Variants in SIPA1L1 observed in about 807,000 individuals in gnomAD.
The protein encoded by SIPA1L1 is signal induced proliferation associated 1 like 1.
In SIPA1L1, 26 loss-of-function variants were observed where a neutral mutation model predicts 162.7. The ratio of observed to expected loss-of-function variants is 0.16; its 90% CI spans 0.12 to 0.22. The LOEUF (loss-of-function observed/expected upper bound fraction) is 0.22. Ranked by LOEUF, SIPA1L1 falls within the 10% of genes least tolerant of loss-of-function variation. SIPA1L1 has a pLI of 1.00. For missense variants in SIPA1L1, 1,874 were observed against 2,241.0 expected, an observed-to-expected ratio of 0.84 and a Z score of 3.31; for synonymous variants, 829 against 837.4, an observed-to-expected ratio of 0.99 and a Z score of 0.17.
At chr14:71,357,122 G>A (rs531629241) in intron 2 of SIPA1L1, among the ~76,000 whole-genome samples, 24 of 151,934 alleles carry the variant, frequency 1.6e-4, no homozygotes, top group Non-Finnish European at 2.8e-4. Context: ...TGGCGTGATC[G>A]TAGCTCACAG....
intron 10 of SIPA1L1, among the ~76,000 whole-genome samples, chr14:71,666,868 TAAAAAAA>T (rs960598363): frequency 2.0e-4 from 16 of 78,186 alleles, no homozygotes; most frequent in African/African-American, 7.4e-4. Flanking sequence ...TTCCTCTCTG[TAAAAAAA>T]AAAAAAAAAA....
At chr14:71,684,360 T>C (rs1052509010) in intron 12 of SIPA1L1, among the ~76,000 whole-genome samples, 8 of 152,202 alleles carry the variant, frequency 5.3e-5, no homozygotes, top group African/African-American at 1.9e-4. Flanking sequence ...CAGCCAACTA[T>C]GTAAACCCTT....
At chr14:71,531,876 G>A (rs1011180467) in intron 4 of SIPA1L1, among the ~76,000 whole-genome samples, 1 of 151,782 alleles carries the variant, frequency 6.6e-6, no homozygotes, top group Non-Finnish European at 1.5e-5. Context: ...GGGGAGTCCT[G>A]TTACCCTTTG....
intron 2 of SIPA1L1, among the ~76,000 whole-genome samples, chr14:71,331,276 T>C (rs1402862426): frequency 2.0e-5 from 3 of 152,262 alleles, no homozygotes; most frequent in Non-Finnish European, 4.4e-5. Flanking sequence ...TTTATGCCAT[T>C]ATCACACTGT....
At chr14:71,456,987 G>A (rs1395827131) in intron 2 of SIPA1L1, among the ~76,000 whole-genome samples, 1 of 152,116 alleles carries the variant, frequency 6.6e-6, no homozygotes, top group Non-Finnish European at 1.5e-5. Context: ...TTGCTACATT[G>A]CTCAGGCTGG....
chr14:71,373,429 C>T (rs993526849), intron 2 of SIPA1L1, among the ~76,000 whole-genome samples: 2 of 151,738 alleles, frequency 1.3e-5, no homozygotes, highest in South Asian at 4.2e-4. Flanking sequence ...TTGACACTAG[C>T]CTGGCCAACG....
intron 12 of SIPA1L1, among the ~76,000 whole-genome samples, chr14:71,683,568 A>G (rs927921334): frequency 2.0e-5 from 3 of 152,226 alleles, no homozygotes; most frequent in Non-Finnish European, 4.4e-5. Context: ...TGTAGTCACA[A>G]ATGAAAGACT....
rs1450144965 is a variant in SIPA1L1 at position 71,377,122 on chromosome 14, C to T, written c.-465+55941C>T. Among the ~76,000 whole-genome samples the T allele has an allele frequency of 6.8e-6, 1 of 148,022 alleles. No individual in the cohort carries two copies. The highest frequency in any genetic ancestry group is 2.0e-4 in the East Asian group (1 of 4,984). On this transcript the variant is annotated intron_variant, in intron 2 of 23. Transcript: ENST00000381232. The surrounding 1 kb of genome is among the most constrained non-coding windows in gnomAD (Gnocchi z 4.8). ...CAGATGTGGCGGCCGGGCAGAGGGG[C>T]CCCCCCACCCCCCAGATGGGGCGGC...
chr14:71,680,269 AACTC>A (rs1169724779), intron 12 of SIPA1L1, among the ~76,000 whole-genome samples: 1 of 152,224 alleles, frequency 6.6e-6, no homozygotes, highest in Non-Finnish European at 1.5e-5. Flanking sequence ...AGGATTAAGA[AACTC>A]ACTCAAAACA....
At chr14:71,478,525 A>G (rs1213818526) in intron 2 of SIPA1L1, among the ~76,000 whole-genome samples, 1 of 152,210 alleles carries the variant, frequency 6.6e-6, no homozygotes, top group Non-Finnish European at 1.5e-5. Flanking sequence ...TTGAATTAAT[A>G]TTTCTGTAAG....
intron 12 of SIPA1L1, among the ~76,000 whole-genome samples, chr14:71,674,027 T>C (rs2044809471): frequency 6.6e-6 from 1 of 152,260 alleles, no homozygotes; most frequent in South Asian, 2.1e-4. Flanking sequence ...TCTCTTTCTC[T>C]GCTGTCTCTC....
intron 4 of SIPA1L1, among the ~76,000 whole-genome samples, chr14:71,579,650 C>G (rs117256277): frequency 1.4e-3 from 209 of 152,234 alleles, no homozygotes; most frequent in Non-Finnish European, 2.5e-3. Flanking sequence ...CTTTTACGTT[C>G]TAGGTTCTTG....
At chr14:71,365,034 A>G (rs1010854104) in intron 2 of SIPA1L1, among the ~76,000 whole-genome samples, 1 of 149,814 alleles carries the variant, frequency 6.7e-6, no homozygotes, top group African/African-American at 2.5e-5. Context: ...GGCATGAGCC[A>G]CCATGCTAGG....
At chr14:71,341,883 T>C (rs987257093) in intron 2 of SIPA1L1, among the ~76,000 whole-genome samples, 1 of 152,214 alleles carries the variant, frequency 6.6e-6, no homozygotes, top group Non-Finnish European at 1.5e-5. Context: ...ATATGTACCA[T>C]ATTTTCTTTA....
chr14:71,333,382 T>C (rs2034765434), intron 2 of SIPA1L1, among the ~76,000 whole-genome samples: 1 of 152,240 alleles, frequency 6.6e-6, no homozygotes, highest in Admixed American at 6.5e-5. Context: ...AAAAGTAATA[T>C]TCAGAGTTCC....
At chr14:71,533,471 A>G (rs1165416385) in intron 4 of SIPA1L1, among the ~76,000 whole-genome samples, 7 of 152,214 alleles carry the variant, frequency 4.6e-5, no homozygotes, top group Non-Finnish European at 1.5e-5. Flanking sequence ...TCAACTTGTA[A>G]TGTGAGTTGG....
At chr14:71,428,860 G>GGGGTAGATGAT (rs2043779256) in intron 2 of SIPA1L1, among the ~76,000 whole-genome samples, 1 of 152,218 alleles carries the variant, frequency 6.6e-6, no homozygotes, top group East Asian at 1.9e-4. Flanking sequence ...CCCAGGACTT[G>GGGGTAGATGAT]GGGTAGATGA....
intron 16 of SIPA1L1, among the ~76,000 whole-genome samples, chr14:71,707,691 A>G (rs2082550471): frequency 6.6e-6 from 1 of 151,894 alleles, no homozygotes; most frequent in South Asian, 2.1e-4. Flanking sequence ...CTATTTTTTA[A>G]TCCATATATT....
At position 71,513,983 on chromosome 14, in the gene SIPA1L1, C is replaced by T. The variant is rs550614472; in HGVS notation, c.-362+1138C>T. Among the ~76,000 whole-genome samples the T allele has an allele frequency of 3.3e-5, 5 of 152,184 alleles. No individual in the cohort carries two copies. In the South Asian group the frequency reaches 1.0e-3, roughly 32 times the overall value. On this transcript the variant is annotated intron_variant, in intron 3 of 23. Transcript: ENST00000381232. ...TTTCATTACCGGCGGCGAATCCGTA[C>T]GGGTCTGCAGCAACCTCAATTCTTG...
Sources: gnomAD v4.1 joint callset for allele counts (sites outside exome capture counted in the v4.1 genomes callset) on GRCh38, gnomAD v4.1.1 for gene constraint, Gnocchi (gnomAD v3.1) non-coding constraint, MANE v1.5 for transcripts, NCBI Gene and HGNC (gene_info 2026-07-23, HGNC 2026-07-21) for gene names.